FRMPD4: variants seen among roughly 807,000 people sequenced by gnomAD.
FRMPD4 encodes FERM and PDZ domain containing 4, also known as FERM and PDZ domain-containing protein 4.
A neutral mutation model predicts 94.1 loss-of-function variants in FRMPD4; 22 were observed. The ratio of observed to expected loss-of-function variants is 0.23; its 90% CI spans 0.17 to 0.33. The LOEUF (loss-of-function observed/expected upper bound fraction) is 0.33, where lower values mean the gene tolerates loss of function less well. Ranked by LOEUF, FRMPD4 falls within the 10% of genes least tolerant of loss-of-function variation. The pLI, the probability that FRMPD4 is intolerant of heterozygous loss-of-function variation, is 1.00. For missense variants in FRMPD4, 1,111 were observed against 1,339.9 expected (o/e 0.83, Z 2.67); for synonymous variants, 631 against 548.6 (o/e 1.15, Z -2.10).
chrX:12,197,333 C>T (rs1331275063), intron 1 of FRMPD4, among the ~76,000 whole-genome samples: 1 of 111,511 alleles, frequency 9.0e-6, no homozygotes, highest in Non-Finnish European at 1.9e-5. Context: ...CATTTACCAC[C>T]TATGAAATAT....
chrX:12,440,866 ACCAAAGAGATAGATAGTGAAGGG>A (rs1163389081), intron 1 of FRMPD4, among the ~76,000 whole-genome samples: 1 of 101,933 alleles, frequency 9.8e-6, no homozygotes, highest in Non-Finnish European at 1.9e-5. Context: ...CAGTGAAGAA[ACCAAAGAGATAGATAGTGAAGGG>A]CCCTACTCCC....
At chrX:12,155,205 A>G (rs778402357) in intron 1 of FRMPD4, among the ~76,000 whole-genome samples, 4 of 111,946 alleles carry the variant, frequency 3.6e-5, no homozygotes, top group Non-Finnish European at 7.5e-5. Context: ...TTCTTCTTTA[A>G]TAATTTCATT....
chrX:12,626,209 G>T (rs1299989869), intron 4 of FRMPD4, among the ~76,000 whole-genome samples: 1 of 108,774 alleles, frequency 9.2e-6, no homozygotes, highest in African/African-American at 3.4e-5. Flanking sequence ...CACACCTGTA[G>T]TTCCAGCTAC....
chrX:12,704,423 A>T lies in FRMPD4; in HGVS notation c.1135A>T (p.Ile379Leu). 8.4e-7 allele frequency: 1 copy of T among 1,191,554 alleles called. No homozygotes were observed. The highest frequency in any genetic ancestry group is 1.8e-5 in the South Asian group (1 of 54,752). The change falls in exon 11 of 17, where the codon ATA becomes TTA. Residue 379 changes from isoleucine (I) to leucine (L), a missense_variant. Physicochemically the swap from Ile to Leu is conservative, Grantham distance 5 (BLOSUM62 2). Coordinates refer to ENST00000675598, the MANE Select transcript of FRMPD4 (RefSeq NM_001368397.1). ...AVLQSMKEKN[I>L]KKALSHLVKA... ...GCTGCAAAGCATGAAAGAGAAGAAC[A>T]TAAAGAAAGCACTTTCACACCTTGT...
At chrX:12,292,550 A>G (rs2054706219) in intron 1 of FRMPD4, among the ~76,000 whole-genome samples, 2 of 110,998 alleles carry the variant, frequency 1.8e-5, no homozygotes, top group South Asian at 7.7e-4. Context: ...TATTTAACTT[A>G]GATTTAGGAC....
intron 1 of FRMPD4, among the ~76,000 whole-genome samples, chrX:12,159,115 G>A (rs1470502626): frequency 2.7e-5 from 3 of 112,487 alleles, no homozygotes; most frequent in Non-Finnish European, 3.8e-5. Context: ...TCCAAAATGT[G>A]TAATGTCTGC....
chrX:12,030,562 T>C (rs1203304342), intron 3 of FRMPD4, among the ~76,000 whole-genome samples: 1 of 112,011 alleles, frequency 8.9e-6, no homozygotes, highest in Non-Finnish European at 1.9e-5. Context: ...ATATTCTCTA[T>C]GGGCAATCTG....
chrX:12,466,312 A>G (rs1449722438), intron 1 of FRMPD4, among the ~76,000 whole-genome samples: 2 of 112,244 alleles, frequency 1.8e-5, no homozygotes, highest in Non-Finnish European at 3.8e-5. Context: ...AGCACACAAA[A>G]TATTATGCCA....
intron 4 of FRMPD4, among the ~76,000 whole-genome samples, chrX:12,673,913 T>C (rs182245678): frequency 8.9e-6 from 1 of 112,162 alleles, no homozygotes; most frequent in Non-Finnish European, 1.9e-5. Flanking sequence ...AGAAGTGTGA[T>C]TTGCAGTGAC....
At chrX:11,967,983 C>T (rs1194385228) in intron 3 of FRMPD4, among the ~76,000 whole-genome samples, 1 of 110,140 alleles carries the variant, frequency 9.1e-6, no homozygotes, top group Non-Finnish European at 1.9e-5. Flanking sequence ...TTCATCTTCT[C>T]TTGGTCTTGC....
chrX:12,596,713 C>G (rs2059034664), intron 2 of FRMPD4, among the ~76,000 whole-genome samples: 1 of 111,046 alleles, frequency 9.0e-6, no homozygotes, highest in Non-Finnish European at 1.9e-5. Flanking sequence ...TACCCAGTAT[C>G]TCAGAAGTCA....
At chrX:12,612,206 C>T (rs2059190970) in intron 3 of FRMPD4, among the ~76,000 whole-genome samples, 1 of 111,496 alleles carries the variant, frequency 9.0e-6, no homozygotes, top group Non-Finnish European at 1.9e-5. Flanking sequence ...TGTGTCTTCC[C>T]AGGAGCTGAA....
intron 2 of FRMPD4, among the ~76,000 whole-genome samples, chrX:12,540,430 G>A (rs2058394979): frequency 9.0e-6 from 1 of 111,116 alleles, no homozygotes; most frequent in South Asian, 3.8e-4. Context: ...AAAAGGCAGG[G>A]ATTGCAATAC....
chrX:12,013,811 TGTCA>T (rs745551906), intron 3 of FRMPD4, among the ~76,000 whole-genome samples: 1 of 113,227 alleles, frequency 8.8e-6, no homozygotes, highest in East Asian at 2.8e-4. Flanking sequence ...TCCCTTCAGC[TGTCA>T]GTCACATCCG....
At chrX:12,312,940 G>A (rs1325108397) in intron 1 of FRMPD4, among the ~76,000 whole-genome samples, 1 of 111,346 alleles carries the variant, frequency 9.0e-6, no homozygotes, top group Non-Finnish European at 1.9e-5. Flanking sequence ...AGGGAGCCCA[G>A]TGCCTTGGCA....
chrX:12,454,489 C>T lies in FRMPD4; in HGVS notation c.42-44191C>T, dbSNP rs375772725. 3.5e-4 allele frequency among the ~76,000 whole-genome samples: 39 copies of T among 109,893 alleles called. No individual in the cohort carries two copies. The East Asian group carries it at 0.01, about 29-fold the overall frequency. On this transcript the variant is annotated intron_variant, in intron 1 of 16. Transcript: ENST00000675598. ...ATGCAATTAAGAATAACCACGTGAT[C>T]GTGGACTGCCGAGAATATTGAATGT...
rs1363904339 is a variant in FRMPD4 at position 11,996,993 on chromosome X, A to G, written c.95+118975A>G. The stretch of plus-strand genomic sequence containing the variant: ...ATGGCTTAAAATGAAGCATAGACAG[A>G]GTGAAAAGAGGAAGTGAATATTCTA... On this transcript the variant is annotated intron_variant, in intron 3 of 18. Coordinates refer to the FRMPD4 transcript ENST00000640291. 2.7e-5 allele frequency among the ~76,000 whole-genome samples: 3 copies of G among 111,543 alleles called. No individual in the cohort carries two copies. In the Admixed American group the frequency reaches 2.9e-4, roughly 11 times the overall value.
chrX:11,880,160 G>A (rs182871999), intron 3 of FRMPD4, among the ~76,000 whole-genome samples: 69 of 111,749 alleles, frequency 6.2e-4, no homozygotes, highest in African/African-American at 2.2e-3. Context: ...TCTGAAACCA[G>A]CTTGATCTGG....
chrX:12,075,680 T>C (rs1348707613), intron 3 of FRMPD4, among the ~76,000 whole-genome samples: 4 of 111,580 alleles, frequency 3.6e-5, no homozygotes, highest in Non-Finnish European at 7.5e-5. Flanking sequence ...CAGAACTAAA[T>C]GATAATCACG....
Sources: gnomAD v4.1 joint callset for allele counts (sites outside exome capture counted in the v4.1 genomes callset) on GRCh38, gnomAD v4.1.1 for gene constraint, MANE v1.5 for transcripts, NCBI Gene and HGNC (gene_info 2026-07-23, HGNC 2026-07-21) for gene names.